Variants in C9 observed in about 807,000 individuals in gnomAD.
C9 encodes complement component C9.
In C9, 63 loss-of-function variants were observed where a neutral mutation model predicts 65.4. That is an observed-to-expected ratio of 0.96 (90% confidence interval 0.79 to 1.19). The LOEUF (loss-of-function observed/expected upper bound fraction) is 1.19, where lower values mean the gene tolerates loss of function less well. C9 is among the 50% of genes most tolerant of loss of function. The pLI, the probability that C9 is intolerant of heterozygous loss-of-function variation, is 0.00. For missense variants in C9, 744 were observed against 670.1 expected (o/e 1.11, Z -1.22); for synonymous variants, 229 against 227.9 (o/e 1.00, Z -0.04).
At chr5:39,363,546 TC>T in intron 1 of C9, among the ~76,000 whole-genome samples, 1 of 152,232 alleles carries the variant, frequency 6.6e-6, no homozygotes, top group East Asian at 1.9e-4. Context: ...GGCAGACATT[TC>T]CCCCCAGCCA....
chr5:39,347,300 A>G (rs1477707732), intron 1 of C9, among the ~76,000 whole-genome samples: 1 of 152,216 alleles, frequency 6.6e-6, no homozygotes, highest in Non-Finnish European at 1.5e-5. Flanking sequence ...AATCTCCTTA[A>G]GCTGATAAGC....
chr5:39,291,141 T>C (rs1753086322), intron 9 of C9, among the ~76,000 whole-genome samples: 1 of 151,918 alleles, frequency 6.6e-6, no homozygotes, highest in Non-Finnish European at 1.5e-5. Flanking sequence ...GCTGCCAATG[T>C]TTGTGCTATC....
At chr5:39,298,271 G>T (rs1430522247) in intron 9 of C9, among the ~76,000 whole-genome samples, 1 of 150,224 alleles carries the variant, frequency 6.7e-6, no homozygotes, top group Non-Finnish European at 1.5e-5. Context: ...AGAAACAGAA[G>T]AAAAATTTAA....
Position 39,346,686 on chromosome 5 carries a change from C to G in C9, c.78-4490G>C, listed in dbSNP as rs533656940. 4.6e-5 allele frequency among the ~76,000 whole-genome samples: 7 copies of G among 152,298 alleles called. No homozygotes were observed. In the East Asian group the frequency reaches 1.3e-3, roughly 29 times the overall value. On this transcript the variant is annotated intron_variant, in intron 1 of 10. Transcript: ENST00000263408. ...ACTCATTTTATGAGGCCAGCATCAT[C>G]CTGATACCAAAGTCTGGCAAAGACA...
rs765642992 is a variant in C9, at chr5:39,341,262, A to G, written c.360T>C (p.Asn120=). 1 of 1,614,224 alleles carries G rather than the reference A, an allele frequency of 6.2e-7. No homozygotes were observed. Among genetic ancestry groups the G allele is most frequent in the Non-Finnish European group, 8.5e-7 (1 of 1,180,032 alleles). ...GRCIKMRLRC[N]GDNDCGDFSD... The stretch of plus-strand genomic sequence containing the variant: ...AAAAGTCTCCGCAGTCATTGTCACC[A>G]TTACACCGAAGTCGCATCTTTATGC... The change falls in exon 4 of 11, where the codon AAT becomes AAC. Residue 120 remains asparagine, a synonymous_variant. Transcript: ENST00000263408.
chr5:39,347,625 C>G (rs1281471868), intron 1 of C9, among the ~76,000 whole-genome samples: 6 of 152,164 alleles, frequency 3.9e-5, no homozygotes, highest in Non-Finnish European at 7.3e-5. Flanking sequence ...AATGCCATCC[C>G]TATCAAGCTA....
At chr5:39,344,072 G>GA (rs1195787088) in intron 1 of C9, among the ~76,000 whole-genome samples, 1 of 152,058 alleles carries the variant, frequency 6.6e-6, no homozygotes, top group Non-Finnish European at 1.5e-5. Context: ...AAAGATGGGG[G>GA]AAAAACAGAG....
At chr5:39,317,380 T>G (rs186379171) in intron 5 of C9, among the ~76,000 whole-genome samples, 79 of 152,350 alleles carry the variant, frequency 5.2e-4, no homozygotes, top group Non-Finnish European at 4.6e-4. Flanking sequence ...TTTTTGTTTT[T>G]GTTGCAATTG....
chr5:39,286,842 C>T (rs1392101222), intron 10 of C9, among the ~76,000 whole-genome samples: 1 of 151,764 alleles, frequency 6.6e-6, no homozygotes, highest in Non-Finnish European at 1.5e-5. Context: ...TATTTTGTCA[C>T]CACATGATTG....
chr5:39,343,472 T>A (rs1025192974), intron 1 of C9, among the ~76,000 whole-genome samples: 4 of 152,046 alleles, frequency 2.6e-5, no homozygotes, highest in African/African-American at 9.7e-5. Flanking sequence ...GCAGCGAGGC[T>A]GGGGAGGGGC....
intron 1 of C9, among the ~76,000 whole-genome samples, chr5:39,361,254 C>A (rs1277456389): frequency 6.6e-6 from 1 of 152,058 alleles, no homozygotes; most frequent in East Asian, 1.9e-4. Context: ...TACTCAGAAA[C>A]TTATATATGT....
intron 9 of C9, among the ~76,000 whole-genome samples, chr5:39,300,583 G>A (rs1002943551): frequency 3.3e-5 from 5 of 151,788 alleles, no homozygotes; most frequent in Admixed American, 2.0e-4. Flanking sequence ...AGAGACGTCT[G>A]GCAAACATAG....
chr5:39,299,947 T>A (rs1341142992), intron 9 of C9, among the ~76,000 whole-genome samples: 1 of 152,164 alleles, frequency 6.6e-6, no homozygotes, highest in Admixed American at 6.6e-5. Flanking sequence ...CTCTGATGAC[T>A]GGAAAATGTA....
chr5:39,305,182 G>A (rs566848504), intron 9 of C9, among the ~76,000 whole-genome samples: 2 of 152,174 alleles, frequency 1.3e-5, no homozygotes, highest in South Asian at 4.1e-4. Context: ...TAAGATCAAA[G>A]AGGCATCCTC....
chr5:39,352,235 A>G (rs951971822), intron 1 of C9, among the ~76,000 whole-genome samples: 2 of 152,194 alleles, frequency 1.3e-5, no homozygotes, highest in Non-Finnish European at 2.9e-5. Flanking sequence ...ACCTTTCACT[A>G]TGCCTGTCCT....
chr5:39,320,521 TG>T (rs1753647678), intron 5 of C9, among the ~76,000 whole-genome samples: 1 of 152,154 alleles, frequency 6.6e-6, no homozygotes, highest in South Asian at 2.1e-4. Flanking sequence ...AGAAGTCCTG[TG>T]GGAACTATGG....
At chr5:39,289,183 T>C (rs575524517) in intron 9 of C9, among the ~76,000 whole-genome samples, 3 of 151,576 alleles carry the variant, frequency 2.0e-5, no homozygotes, top group South Asian at 4.2e-4. Flanking sequence ...AAAATAATGA[T>C]GCATAAATTT....
intron 1 of C9, among the ~76,000 whole-genome samples, chr5:39,354,488 A>G (rs1754380711): frequency 6.6e-6 from 1 of 152,230 alleles, no homozygotes; most frequent in South Asian, 2.1e-4. Context: ...CTGCTTAGCA[A>G]CATCTGGTGG....
intron 1 of C9, among the ~76,000 whole-genome samples, chr5:39,348,259 G>T (rs2111968999): frequency 6.6e-6 from 1 of 152,154 alleles, no homozygotes; most frequent in African/African-American, 2.4e-5. Context: ...GAAAATTTTT[G>T]CAATCTACTC....
Sources: gnomAD v4.1 joint callset for allele counts (sites outside exome capture counted in the v4.1 genomes callset) on GRCh38, gnomAD v4.1.1 for gene constraint, MANE v1.5 for transcripts, NCBI Gene and HGNC (gene_info 2026-07-23, HGNC 2026-07-21) for gene names.